The following MAP7D2 variants were observed in gnomAD, a reference collection of about 807,000 sequenced individuals.
The protein encoded by MAP7D2 is MAP7 domain-containing protein 2.
MAP7D2 carries 33 observed loss-of-function variants against 63.5 expected under a neutral mutation model. The observed-to-expected ratio is 0.52, with a 90% CI of 0.39 to 0.70. The LOEUF (loss-of-function observed/expected upper bound fraction) is 0.70, where lower values mean the gene tolerates loss of function less well. MAP7D2 is among the 30% of genes least tolerant of loss of function. The probability of loss-of-function intolerance (pLI) is 0.00; values close to 1 mark genes in which losing one functional copy is unlikely to be tolerated. For synonymous variants in MAP7D2, 224 were observed against 223.7 expected, an observed-to-expected ratio of 1.00 and a Z score of -0.01; for missense variants, 626 against 604.0, an observed-to-expected ratio of 1.04 and a Z score of -0.38.
intron 1 of MAP7D2, among the ~76,000 whole-genome samples, chrX:20,100,304 T>G (rs6633326): frequency 1.7e-3 from 191 of 111,898 alleles, no homozygotes; most frequent in African/African-American, 5.8e-3. Flanking sequence ...CCAGTATAGC[T>G]ACAATTCAAA....
chrX:20,045,526 C>CG (rs201706369), intron 6 of MAP7D2, among the ~76,000 whole-genome samples: 694 of 39,860 alleles, frequency 0.017, 5 homozygotes, highest in African/African-American at 0.018. Context: ...GACCCCATCT[C>CG]GAAAAAAAAA....
At chrX:20,031,017 G>A (rs2074029773) in intron 8 of MAP7D2, among the ~76,000 whole-genome samples, 1 of 112,169 alleles carries the variant, frequency 8.9e-6, no homozygotes, top group Non-Finnish European at 1.9e-5. Context: ...TCAGCCGGGT[G>A]CAGTGGCTCA....
intron 1 of MAP7D2, among the ~76,000 whole-genome samples, chrX:20,095,525 C>T (rs949240665): frequency 9.0e-6 from 1 of 111,164 alleles, no homozygotes; most frequent in Admixed American, 9.6e-5. Context: ...GGGAACAGAG[C>T]AAGACCCACC....
At chrX:20,083,729 T>A (rs1008586733) in intron 1 of MAP7D2, among the ~76,000 whole-genome samples, 3 of 111,795 alleles carry the variant, frequency 2.7e-5, no homozygotes, top group African/African-American at 9.8e-5. Flanking sequence ...AGCTACACAA[T>A]CCTTACATTC....
At position 20,025,745 on chromosome X, in the gene MAP7D2, T is replaced by C; in HGVS notation, c.1215A>G (p.Val405=). Residue 405 remains valine, a synonymous_variant, in exon 9 of 17, where the codon GTA becomes GTG. Transcript: ENST00000379643. ...GCTTCTCGCTGGCATGCTTGTCCAC[T>C]ACATGCTTCTCTAGGGCTTCCTCTC... is the stretch of plus-strand genomic sequence containing the variant. ...PQGEEALEKH[V]VDKHASEKHA... is the part of the protein sequence containing the mutation. The C allele has an allele frequency of 1.7e-6, 2 of 1,211,835 alleles. No homozygotes were observed. The highest frequency in any genetic ancestry group is 1.8e-5 in the South Asian group (1 of 56,996).
chrX:20,063,797 G>A (rs1295637827), intron 2 of MAP7D2, among the ~76,000 whole-genome samples: 1 of 111,877 alleles, frequency 8.9e-6, no homozygotes, highest in African/African-American at 3.3e-5. Flanking sequence ...CCTCCTCTAC[G>A]ATGTGGGGAC....
At chrX:20,055,626 C>CA (rs1426993926) in intron 4 of MAP7D2, 9 of 408,885 alleles carry the variant, frequency 2.2e-5, no homozygotes, top group Middle Eastern at 4.3e-4. Context: ...TGTGACAGGC[C>CA]AGACTAAGAA....
chrX:20,033,611 T>C (rs1300381608), intron 8 of MAP7D2, among the ~76,000 whole-genome samples: 2 of 112,503 alleles, frequency 1.8e-5, no homozygotes. Flanking sequence ...TTAGTTTATC[T>C]GACATCAGGC....
intron 8 of MAP7D2, among the ~76,000 whole-genome samples, chrX:20,037,740 T>C (rs1286065364): frequency 1.8e-5 from 2 of 111,520 alleles, no homozygotes; most frequent in Non-Finnish European, 3.8e-5. Context: ...GATTGGAAAA[T>C]TGGTGACAAA....
rs189304373 is a variant in MAP7D2 at position 20,109,070 on chromosome X, T to A, written c.130+7680A>T. On this transcript the variant is annotated intron_variant, in intron 1 of 16. Transcript: ENST00000379643. ...TCGCCTTTGGGGAGAAAAACAACTGTGTACTAAGTAAAAGGCATACAAGAT... is the reference window on the plus strand; with the variant it reads ...TCGCCTTTGGGGAGAAAAACAACTGAGTACTAAGTAAAAGGCATACAAGAT... 8.3e-5 allele frequency among the ~76,000 whole-genome samples: 9 copies of A among 109,086 alleles called. No individual in the cohort carries two copies. In the East Asian group the frequency reaches 2.3e-3, roughly 28 times the overall value. The allele number at this position is 109,086 out of a possible 115,157, so 94.7% of individuals were successfully genotyped here. A position where few individuals can be genotyped will look rare whatever the true frequency, so the allele number is the denominator to read the frequency against.
intron 1 of MAP7D2, among the ~76,000 whole-genome samples, chrX:20,108,426 G>C (rs953820442): frequency 1.8e-5 from 2 of 108,740 alleles, no homozygotes; most frequent in African/African-American, 6.7e-5. Flanking sequence ...GTAGAGGCGG[G>C]GTTTCGCCAT....
intron 1 of MAP7D2, among the ~76,000 whole-genome samples, chrX:20,099,667 T>C (rs1399681607): frequency 8.9e-6 from 1 of 112,000 alleles, no homozygotes; most frequent in Non-Finnish European, 1.9e-5. Context: ...AAGAAAGCAT[T>C]ACTTACCTTG....
At chrX:20,021,984 C>T (rs1048972290) in intron 10 of MAP7D2, among the ~76,000 whole-genome samples, 10 of 112,130 alleles carry the variant, frequency 8.9e-5, no homozygotes, top group Admixed American at 6.6e-4. Context: ...GACTATGTCC[C>T]AGCCTTTTAA....
Position 20,042,516 on chromosome X carries a change from A to G in MAP7D2, c.993T>C (p.Ser331=), listed in dbSNP as rs1047973394. The G allele has an allele frequency of 3.3e-6, 4 of 1,211,450 alleles. No individual in the cohort carries two copies. The highest frequency in any genetic ancestry group is 4.5e-6 in the Non-Finnish European group (4 of 895,185). Residue 331 remains serine (S), a synonymous_variant, in exon 8 of 17, where the codon TCT becomes TCC. Coordinates refer to ENST00000379643, the MANE Select transcript of MAP7D2 (RefSeq NM_001168465.2). Reference sequence around the variant, plus strand: ...GAGATGCTTACTTGGATATCACAGGAGAAGATGGTCTCTTAGGAATGCCTC... The same window carrying G: ...GAGATGCTTACTTGGATATCACAGGGGAAGATGGTCTCTTAGGAATGCCTC... ...FSGGIPKRPS[S]PVISKTATKA...
At chrX:20,113,580 G>C (rs2066806444) in intron 1 of MAP7D2, among the ~76,000 whole-genome samples, 1 of 112,105 alleles carries the variant, frequency 8.9e-6, no homozygotes, top group African/African-American at 3.2e-5. Context: ...TTCAAGAATG[G>C]TTTTAAACAC....
intron 1 of MAP7D2, among the ~76,000 whole-genome samples, chrX:20,105,034 G>A (rs781476987): frequency 9.0e-6 from 1 of 111,727 alleles, no homozygotes; most frequent in African/African-American, 3.2e-5. Context: ...CGATTCAGAC[G>A]GTTACTTCAA....
chrX:20,016,452 T>C (rs1473113293), intron 10 of MAP7D2, 127 bp from the exon 11 acceptor site: 1 of 579,561 alleles, frequency 1.7e-6, no homozygotes, highest in Non-Finnish European at 2.8e-6. Flanking sequence ...CAACGAGCAT[T>C]CATTTAATAA....
At chrX:20,075,021 C>T (rs914810107) in intron 1 of MAP7D2, among the ~76,000 whole-genome samples, 1 of 111,787 alleles carries the variant, frequency 8.9e-6, no homozygotes, top group African/African-American at 3.3e-5. Flanking sequence ...CCACTGCACT[C>T]TAGCCTGGGT....
chrX:20,034,596 C>A (rs1237509636), intron 8 of MAP7D2, among the ~76,000 whole-genome samples: 1 of 111,383 alleles, frequency 9.0e-6, no homozygotes, highest in Admixed American at 9.6e-5. Flanking sequence ...GGCATCAGTG[C>A]CCTTATAAAA....
Sources: gnomAD v4.1 joint callset for allele counts (sites outside exome capture counted in the v4.1 genomes callset) on GRCh38, gnomAD v4.1.1 for gene constraint, MANE v1.5 for transcripts, NCBI Gene and HGNC (gene_info 2026-07-23, HGNC 2026-07-21) for gene names.